The following KCMF1 variants were observed in gnomAD, a reference collection of about 807,000 sequenced individuals.
The protein encoded by KCMF1 is potassium channel modulatory factor 1.
KCMF1 carries 3 observed loss-of-function variants against 41.1 expected under a neutral mutation model. That is an observed-to-expected ratio of 0.07 (90% CI 0.03 to 0.19). KCMF1 has a LOEUF of 0.19. Ranked by LOEUF, KCMF1 falls within the 10% of genes least tolerant of loss-of-function variation. KCMF1 has a pLI of 1.00. For synonymous variants in KCMF1, 142 were observed against 164.5 expected, an observed-to-expected ratio of 0.86 and a Z score of 1.04; for missense variants, 286 against 488.9, an observed-to-expected ratio of 0.58 and a Z score of 3.91.
intron 1 of KCMF1, among the ~76,000 whole-genome samples, chr2:84,976,929 T>C (rs145550904): frequency 0.015 from 2,324 of 152,276 alleles, 31 homozygotes; most frequent in South Asian, 0.062. Context: ...TTTTGAAATA[T>C]GTATACATTG....
rs535838528 is a variant in KCMF1 at position 84,996,370 on chromosome 2, C to T, written c.16+24903C>T. On this transcript the variant is annotated intron_variant, in intron 1 of 6. Transcript: ENST00000409785. ...ATAAGCAAACATTTGAAAATAAGAG[C>T]TAAAAATCAAAAATAATCTCTCTTT... 2.0e-5 allele frequency among the ~76,000 whole-genome samples: 3 copies of T among 150,916 alleles called. No individual in the cohort carries two copies. The East Asian group carries it at 5.8e-4, about 29-fold the overall frequency.
chr2:85,029,259 C>T (rs1675201142), intron 2 of KCMF1, among the ~76,000 whole-genome samples: 1 of 152,080 alleles, frequency 6.6e-6, no homozygotes, highest in Non-Finnish European at 1.5e-5. Flanking sequence ...CCACCATGCC[C>T]AGCAATAATA....
chr2:85,009,630 A>G (rs1009222681), intron 1 of KCMF1, among the ~76,000 whole-genome samples: 5 of 151,784 alleles, frequency 3.3e-5, no homozygotes, highest in African/African-American at 4.8e-5. Context: ...GTTTTCTTCC[A>G]TGTTCTGATT....
chr2:85,030,245 A>G (rs1161505624), intron 2 of KCMF1, among the ~76,000 whole-genome samples: 1 of 149,668 alleles, frequency 6.7e-6, no homozygotes, highest in Non-Finnish European at 1.5e-5. Context: ...AAGTTTTTTT[A>G]TCTGATAGAT....
chr2:85,009,466 C>T (rs952860391), intron 1 of KCMF1, among the ~76,000 whole-genome samples: 2 of 152,158 alleles, frequency 1.3e-5, no homozygotes, highest in Non-Finnish European at 2.9e-5. Flanking sequence ...TGTACAGATG[C>T]CCTTTCAGTG....
In KCMF1 at chr2:85,056,674, A is replaced by G. The variant is rs912974552; in HGVS notation, c.*3265A>G. 1 of 152,204 alleles carries G rather than the reference A, an allele frequency of 6.6e-6. No homozygotes were observed. Among genetic ancestry groups the G allele is most frequent in the African/African-American group, 2.4e-5 (1 of 41,440 alleles). 9.4% of individuals were successfully genotyped at this position (152,204 alleles called of 1,614,324 possible). ...GATTCCTGTAACAGTGTTCAGTACC[A>G]ATATTAAGTCTACTGTAAGTGGGGT... On this transcript the variant is annotated 3_prime_UTR_variant, in exon 7 of 7. Transcript: ENST00000409785.
intron 1 of KCMF1, among the ~76,000 whole-genome samples, chr2:85,010,818 G>C (rs148617618): frequency 6.7e-6 from 1 of 149,704 alleles, no homozygotes; most frequent in African/African-American, 2.5e-5. Context: ...GTGGATTCCT[G>C]TGTTATTCAG....
At chr2:84,974,131 G>C (rs1219633014) in intron 1 of KCMF1, among the ~76,000 whole-genome samples, 1 of 152,136 alleles carries the variant, frequency 6.6e-6, no homozygotes, top group South Asian at 2.1e-4. Context: ...CCCAGCCTCC[G>C]TGTTTCTTTA....
chr2:85,008,266 A>AT (rs201731925), intron 1 of KCMF1, among the ~76,000 whole-genome samples: 50 of 100,664 alleles, frequency 5.0e-4, no homozygotes, highest in South Asian at 3.2e-3. Context: ...TATATATCAT[A>AT]TATAATATAT....
intron 5 of KCMF1, 106 bp downstream of exon 5, chr2:85,046,384 C>A: frequency 1.3e-6 from 1 of 793,080 alleles, no homozygotes; most frequent in Non-Finnish European, 2.0e-6. Flanking sequence ...AATCCCAGCA[C>A]TCTGGGAGGC....
At chr2:85,024,209 G>C (rs1279605965) in intron 1 of KCMF1, among the ~76,000 whole-genome samples, 3 of 152,226 alleles carry the variant, frequency 2.0e-5, no homozygotes, top group African/African-American at 7.2e-5. Context: ...GAGCGTGGTG[G>C]CTCACGCCTG....
At position 85,055,666 on chromosome 2, in the gene KCMF1, C is replaced by T. The variant is rs940672382; in HGVS notation, c.*2257C>T. 1.3e-5 allele frequency: 2 copies of T among 152,120 alleles called. No homozygotes were observed. The highest frequency in any genetic ancestry group is 4.8e-5 in the African/African-American group (2 of 41,414). The allele number at this position is 152,120 out of a possible 1,614,324, so 9.4% of individuals were successfully genotyped here. Reference sequence around the variant, plus strand: ...TGTATTATTTTAGGGTAGAACGACACAGAATATCAATATAAAAATATATTC... The same window carrying T: ...TGTATTATTTTAGGGTAGAACGACATAGAATATCAATATAAAAATATATTC... On this transcript the variant is annotated 3_prime_UTR_variant, in exon 7 of 7. Coordinates refer to ENST00000409785, the MANE Select transcript of KCMF1 (RefSeq NM_020122.5).
Position 85,056,147 on chromosome 2 carries a change from G to A in KCMF1, c.*2738G>A, listed in dbSNP as rs1422071153. 5 of 151,788 alleles carry A rather than the reference G, an allele frequency of 3.3e-5. No individual in the cohort carries two copies. The highest frequency in any genetic ancestry group is 1.2e-4 in the African/African-American group (5 of 41,308). 9.4% of individuals were successfully genotyped at this position (151,788 alleles called of 1,614,324 possible). A position where few individuals can be genotyped will look rare whatever the true frequency, so the allele number is the denominator to read the frequency against. On this transcript the variant is annotated 3_prime_UTR_variant, in exon 7 of 7. Transcript: ENST00000409785. Reference sequence around the variant, plus strand: ...AAAAATCCACAGAAGTAGAACCTAGGTTTGCTACTAACAAAGTAGTGGATT... The same window carrying A: ...AAAAATCCACAGAAGTAGAACCTAGATTTGCTACTAACAAAGTAGTGGATT...
intron 1 of KCMF1, among the ~76,000 whole-genome samples, chr2:84,997,100 C>G (rs1257251011): frequency 6.6e-6 from 1 of 152,156 alleles, no homozygotes; most frequent in African/African-American, 2.4e-5. Context: ...GCTATGCAGT[C>G]TATTGTTGAT....
chr2:85,053,743 A>T lies in KCMF1; in HGVS notation c.*334A>T. Reference sequence around the variant, plus strand: ...CTGTGTGTATTTATGAATATTAATGAATAAAAACTGCTTGGATGGTTTACC... The same window carrying T: ...CTGTGTGTATTTATGAATATTAATGTATAAAAACTGCTTGGATGGTTTACC... On this transcript the variant is annotated 3_prime_UTR_variant, in exon 7 of 7. Coordinates refer to ENST00000409785, the MANE Select transcript of KCMF1 (RefSeq NM_020122.5). 5.2e-6 allele frequency: 1 copy of T among 191,690 alleles called. No individual in the cohort carries two copies. 11.9% of individuals were successfully genotyped at this position (191,690 alleles called of 1,614,324 possible). A position where few individuals can be genotyped will look rare whatever the true frequency, so the allele number is the denominator to read the frequency against.
intron 1 of KCMF1, among the ~76,000 whole-genome samples, chr2:85,019,762 A>G (rs997724462): frequency 2.0e-5 from 3 of 151,730 alleles, no homozygotes; most frequent in Non-Finnish European, 2.9e-5. Context: ...ATGTGTGTGT[A>G]TATATACATA....
chr2:84,979,804 C>T (rs1046641152), intron 1 of KCMF1, among the ~76,000 whole-genome samples: 2 of 151,778 alleles, frequency 1.3e-5, no homozygotes, highest in African/African-American at 2.4e-5. Context: ...GTATACAGAT[C>T]AGAGCATCTT....
chr2:85,006,934 C>A (rs1224853181), intron 1 of KCMF1, among the ~76,000 whole-genome samples: 1 of 151,514 alleles, frequency 6.6e-6, no homozygotes, highest in East Asian at 2.0e-4. Context: ...CATGGAGAAA[C>A]CCCATCTCCA....
At chr2:85,003,244 CG>C (rs981898854) in intron 1 of KCMF1, among the ~76,000 whole-genome samples, 6 of 151,886 alleles carry the variant, frequency 4.0e-5, no homozygotes, top group African/African-American at 1.5e-4. Context: ...GAGGCCAAGG[CG>C]GGCAGATAAC....
Sources: allele counts gnomAD v4.1 joint callset (sites outside exome capture counted in the v4.1 genomes callset), GRCh38; gene constraint gnomAD v4.1.1; transcripts MANE v1.5; gene names NCBI Gene and HGNC (gene_info 2026-07-23, HGNC 2026-07-21).